Variants in CNOT8 observed in about 807,000 individuals in gnomAD.
The protein encoded by CNOT8 is CAF1-like protein.
Under a neutral mutation model 34.6 loss-of-function variants are expected in CNOT8, and 18 were observed. That is an observed-to-expected ratio of 0.52 (90% confidence interval 0.36 to 0.77). The LOEUF (loss-of-function observed/expected upper bound fraction) is 0.77, where lower values mean the gene tolerates loss of function less well. Among genes scored for constraint, CNOT8 ranks in the 30% least tolerant of loss-of-function variants. The pLI is 0.00. For missense variants in CNOT8, 189 were observed against 347.9 expected (o/e 0.54, Z 3.63); for synonymous variants, 101 against 118.8 (o/e 0.85, Z 0.98).
chr5:154,869,230 C>T (rs1428300299), intron 3 of CNOT8, among the ~76,000 whole-genome samples: 6 of 152,040 alleles, frequency 3.9e-5, no homozygotes, highest in Non-Finnish European at 8.8e-5. Context: ...AGCGATTCTC[C>T]AACCTCAGCA....
chr5:154,875,254 A>G (rs1762841159), intron 6 of CNOT8, 36 bp from the exon 7 acceptor site: 4 of 1,610,048 alleles, frequency 2.5e-6, no homozygotes, highest in Middle Eastern at 3.3e-4. Context: ...GACTTCTAGC[A>G]TAACTCTCAC....
At chr5:154,871,208 A>G (rs574965630) in intron 4 of CNOT8, among the ~76,000 whole-genome samples, 8 of 151,266 alleles carry the variant, frequency 5.3e-5, no homozygotes, top group Non-Finnish European at 7.4e-5. Context: ...CTACAATTAA[A>G]CCCCTTGGGT....
Position 154,876,313 on chromosome 5 carries a change from A to G in CNOT8, c.*874A>G, listed in dbSNP as rs190300833. The G allele has an allele frequency of 6.6e-6, 1 of 152,218 alleles. No individual in the cohort carries two copies. The highest frequency in any genetic ancestry group is 1.5e-5 in the Non-Finnish European group (1 of 68,046). 9.4% of individuals were successfully genotyped at this position (152,218 alleles called of 1,614,324 possible). On this transcript the variant is annotated 3_prime_UTR_variant, in exon 7 of 7. Transcript: ENST00000285896. ...AATGTGATTTCAGATGGTCATCTGGATTCTCCCACTTCTCTACTCCATTAT... is the reference window on the plus strand; with the variant it reads ...AATGTGATTTCAGATGGTCATCTGGGTTCTCCCACTTCTCTACTCCATTAT...
Position 154,863,367 on chromosome 5 carries a change from T to C in CNOT8, c.89T>C (p.Ile30Thr), listed in dbSNP as rs762690965. 2.5e-6 allele frequency: 4 copies of C among 1,613,516 alleles called. No homozygotes were observed. Among genetic ancestry groups the C allele is most frequent in the Non-Finnish European group, 3.4e-6 (4 of 1,179,578 alleles). The change falls in exon 2 of 7, where the codon ATC becomes ACC. Residue 30 changes from isoleucine (I) to threonine (T), a missense_variant. Transcript: ENST00000285896. ...LEEEMRKIRE[I>T]VLSYSYIAMD... ...GAAGAGATGAGGAAGATCCGAGAAA[T>C]CGTGCTCAGTTACAGTTATATTGCC...
At chr5:154,859,956 T>C (rs951121414) in intron 1 of CNOT8, 1 of 152,222 alleles carries the variant, frequency 6.6e-6, no homozygotes, top group Non-Finnish European at 1.5e-5. Context: ...AGTCAGCCCG[T>C]GAGGCAAACA....
chr5:154,873,095 G>A (rs1218702170), intron 6 of CNOT8, among the ~76,000 whole-genome samples: 4 of 151,646 alleles, frequency 2.6e-5, no homozygotes, highest in Non-Finnish European at 4.4e-5. Flanking sequence ...TAGTAGACAC[G>A]GGGTTTCACT....
rs1164620462 is a variant in CNOT8, at chr5:154,867,236, T to C, written c.311+1851T>C. Among the ~76,000 whole-genome samples, 3 of 152,134 alleles carry C rather than the reference T, an allele frequency of 2.0e-5. No homozygotes were observed. In the East Asian group the frequency reaches 5.8e-4, roughly 29 times the overall value. The stretch of plus-strand genomic sequence containing the variant: ...TTATGACAGTGTTACAATGGATGAG[T>C]ATTGATTTGTAAAGATGGTCTGTGA... On this transcript the variant is annotated intron_variant, in intron 3 of 6. Coordinates refer to ENST00000285896, the MANE Select transcript of CNOT8 (RefSeq NM_001301073.2).
Position 154,863,325 on chromosome 5 carries a change from G to A in CNOT8, c.47G>A (p.Trp16Ter). ...VENSQVICEV[W>*]ASNLEEEMRK... The stretch of plus-strand genomic sequence containing the variant: ...AATAGCCAGGTTATCTGTGAAGTGT[G>A]GGCCAGTAATCTAGAAGAAGAGATG... The change falls in exon 2 of 7, where the codon TGG (tryptophan) becomes TAG (stop). Residue 16 changes from tryptophan (W) to a stop codon, truncating the protein, a stop_gained. Coordinates refer to ENST00000285896, the MANE Select transcript of CNOT8 (RefSeq NM_001301073.2). LOFTEE classifies it high-confidence loss of function. 1 of 1,614,140 alleles carries A rather than the reference G, an allele frequency of 6.2e-7. No homozygotes were observed. The highest frequency in any genetic ancestry group is 8.5e-7 in the Non-Finnish European group (1 of 1,179,990).
intron 5 of CNOT8, among the ~76,000 whole-genome samples, chr5:154,872,318 G>A (rs1353707634): frequency 6.6e-6 from 1 of 152,132 alleles, no homozygotes; most frequent in Non-Finnish European, 1.5e-5. Context: ...CAGAGTTCTG[G>A]AAAAATTAAC....
At position 154,876,512 on chromosome 5, in the gene CNOT8, C is replaced by G. The variant is rs1261351076; in HGVS notation, c.*1073C>G. 1 of 152,326 alleles carries G rather than the reference C, an allele frequency of 6.6e-6. No individual in the cohort carries two copies. The highest frequency in any genetic ancestry group is 1.5e-5 in the Non-Finnish European group (1 of 68,020). 9.4% of individuals were successfully genotyped at this position (152,326 alleles called of 1,614,324 possible). A position where few individuals can be genotyped will look rare whatever the true frequency, so the allele number is the denominator to read the frequency against. On this transcript the variant is annotated 3_prime_UTR_variant, in exon 7 of 7. Coordinates refer to ENST00000285896, the MANE Select transcript of CNOT8 (RefSeq NM_001301073.2). ...CACAACTGGGGTAGGAAGCTCAGGA[C>G]TTTTTTCTTTAAAGCTAGTCATTTC...
At chr5:154,862,800 T>G (rs1253106180) in intron 1 of CNOT8, among the ~76,000 whole-genome samples, 1 of 152,170 alleles carries the variant, frequency 6.6e-6, no homozygotes, top group African/African-American at 2.4e-5. Context: ...TCAGGTACAT[T>G]GAAAATGGCT....
chr5:154,871,929 G>T, intron 5 of CNOT8, 55 bp downstream of exon 5: 2 of 1,519,154 alleles, frequency 1.3e-6, no homozygotes, highest in East Asian at 2.3e-5. Context: ...AAAAAAAGCT[G>T]ACTTTGCTTT....
chr5:154,870,824 T>A lies in CNOT8; in HGVS notation c.473+2T>A. On this transcript the variant is annotated splice_donor_variant, in intron 4 of 6. Coordinates refer to ENST00000285896, the MANE Select transcript of CNOT8 (RefSeq NM_001301073.2). LOFTEE classifies it high-confidence loss of function. ...TGTCAAATGGCTTTCATTTCATAGG[T>A]CAGTCCTAGGGAATGTGTATTTCTC... The A allele has an allele frequency of 6.2e-7, 1 of 1,612,146 alleles. No homozygotes were observed. The highest frequency in any genetic ancestry group is 8.5e-7 in the Non-Finnish European group (1 of 1,178,714).
At chr5:154,871,613 A>G (rs1762489630) in intron 4 of CNOT8, 117 bp from the exon 5 acceptor site, 1 of 948,502 alleles carries the variant, frequency 1.1e-6, no homozygotes, top group Non-Finnish European at 1.6e-6. Context: ...AACTACTCAG[A>G]AAAAGTGAAA....
chr5:154,875,510 C>A lies in CNOT8; in HGVS notation c.*71C>A. 6.5e-7 allele frequency: 1 copy of A among 1,539,212 alleles called. No homozygotes were observed. On this transcript the variant is annotated 3_prime_UTR_variant, in exon 7 of 7. Coordinates refer to ENST00000285896, the MANE Select transcript of CNOT8 (RefSeq NM_001301073.2). The stretch of plus-strand genomic sequence containing the variant: ...ACTGTGCTGACTGTGTACTTATCTT[C>A]CCCAAGAGAAAATGCTTCTTTTGAG...
intron 3 of CNOT8, among the ~76,000 whole-genome samples, chr5:154,868,552 G>A (rs779219167): frequency 1.3e-5 from 2 of 152,078 alleles, no homozygotes; most frequent in Non-Finnish European, 2.9e-5. Context: ...ACAGTTGTGA[G>A]CCACCGCACC....
At chr5:154,870,390 G>T (rs1193919006) in intron 3 of CNOT8, 45 of 202,664 alleles carry the variant, frequency 2.2e-4, no homozygotes, top group East Asian at 7.9e-4. Context: ...GGTGTTATTG[G>T]TTTTTTTTTT....
chr5:154,867,006 C>T (rs1024925181), intron 3 of CNOT8, among the ~76,000 whole-genome samples: 4 of 152,012 alleles, frequency 2.6e-5, no homozygotes, highest in African/African-American at 9.7e-5. Context: ...GGAAAAGAAA[C>T]TTGTGATTCA....
chr5:154,870,751 G>A lies in CNOT8; in HGVS notation c.402G>A (p.Leu134=), dbSNP rs1454054437. 1 of 1,614,082 alleles carries A rather than the reference G, an allele frequency of 6.2e-7. No individual in the cohort carries two copies. The highest frequency in any genetic ancestry group is 1.3e-5 in the African/African-American group (1 of 75,058). The part of the protein sequence containing the change: ...QKHEEEGIDT[L]HFAELLMTSG... ...ATGAAGAGGAAGGGATTGACACACT[G>A]CACTTTGCAGAGCTGCTTATGACAT... Residue 134 remains leucine (L), a synonymous_variant, in exon 4 of 7, where the codon CTG becomes CTA. Coordinates refer to ENST00000285896, the MANE Select transcript of CNOT8 (RefSeq NM_001301073.2).
Sources: allele counts gnomAD v4.1 joint callset (sites outside exome capture counted in the v4.1 genomes callset), GRCh38; gene constraint gnomAD v4.1.1; transcripts MANE v1.5; gene names NCBI Gene and HGNC (gene_info 2026-07-23, HGNC 2026-07-21).